The following UNC5C variants were observed in gnomAD, a reference collection of about 807,000 sequenced individuals.
UNC5C encodes the protein netrin receptor UNC5C.
In UNC5C, 47 loss-of-function variants were observed where a neutral mutation model predicts 99.8. That is an observed-to-expected ratio of 0.47 (90% CI 0.37 to 0.60). The LOEUF is 0.60. Among genes scored for constraint, UNC5C ranks in the 20% least tolerant of loss-of-function variants. The pLI is 0.00. For missense variants in UNC5C, 1,062 were observed against 1,165.9 expected, an observed-to-expected ratio of 0.91 and a Z score of 1.30; for synonymous variants, 487 against 452.2, an observed-to-expected ratio of 1.08 and a Z score of -0.98.
chr4:95,283,333 T>C (rs879082010), intron 3 of UNC5C, among the ~76,000 whole-genome samples: 3 of 152,230 alleles, frequency 2.0e-5, no homozygotes, highest in African/African-American at 2.4e-5. Context: ...TTAAGCTCTA[T>C]GTAAATTTTA....
chr4:95,341,359 A>T (rs1743567004), intron 1 of UNC5C, among the ~76,000 whole-genome samples: 1 of 152,108 alleles, frequency 6.6e-6, no homozygotes, highest in African/African-American at 2.4e-5. Context: ...GCCAATAGAA[A>T]TAAGAAAGTG....
At chr4:95,238,466 G>T (rs911822788) in intron 7 of UNC5C, among the ~76,000 whole-genome samples, 3 of 151,974 alleles carry the variant, frequency 2.0e-5, no homozygotes, top group Non-Finnish European at 2.9e-5. Flanking sequence ...AACTTAGTTT[G>T]CACCTTCCCA....
At chr4:95,238,006 C>G (rs1478881550) in intron 7 of UNC5C, among the ~76,000 whole-genome samples, 1 of 151,922 alleles carries the variant, frequency 6.6e-6, no homozygotes, top group East Asian at 1.9e-4. Context: ...CAACTGCACT[C>G]CAGCCTGGCG....
intron 12 of UNC5C, among the ~76,000 whole-genome samples, chr4:95,187,006 G>A (rs1358357700): frequency 6.6e-6 from 1 of 152,066 alleles, no homozygotes; most frequent in African/African-American, 2.4e-5. Flanking sequence ...CCCACTCCAC[G>A]ACAAGAATAG....
intron 4 of UNC5C, among the ~76,000 whole-genome samples, chr4:95,271,372 C>G (rs1001556319): frequency 6.6e-6 from 1 of 151,668 alleles, no homozygotes; most frequent in Admixed American, 6.5e-5. Context: ...GGACTACAGG[C>G]GCCCGCCACC....
At chr4:95,296,291 A>G (rs1360615688) in intron 3 of UNC5C, among the ~76,000 whole-genome samples, 1 of 152,202 alleles carries the variant, frequency 6.6e-6, no homozygotes, top group African/African-American at 2.4e-5. Flanking sequence ...AGTTAGCTAC[A>G]GAATTATAGG....
chr4:95,216,600 T>TAA (rs148891275), intron 9 of UNC5C, among the ~76,000 whole-genome samples: 72 of 142,322 alleles, frequency 5.1e-4, no homozygotes, highest in Non-Finnish European at 8.9e-4. Context: ...AACTTCAACA[T>TAA]AAAAAAAAAA....
At position 95,220,190 on chromosome 4, in the gene UNC5C, T is replaced by A. The variant is rs758527764; in HGVS notation, c.1109-14A>T. Reference sequence around the variant, plus strand: ...AATCAGGAGCAGCTAGAGAGGAGAGTGAAACATTGAACCAGCTGCTTATAG... The same window carrying A: ...AATCAGGAGCAGCTAGAGAGGAGAGAGAAACATTGAACCAGCTGCTTATAG... On this transcript the variant is annotated splice_polypyrimidine_tract_variant and intron_variant, in intron 7 of 15. Transcript: ENST00000453304. 3.1e-6 allele frequency: 5 copies of A among 1,604,356 alleles called. No homozygotes were observed. The highest frequency in any genetic ancestry group is 4.3e-6 in the Non-Finnish European group (5 of 1,174,346).
chr4:95,268,775 A>T (rs1019870026), intron 4 of UNC5C, among the ~76,000 whole-genome samples: 2 of 152,232 alleles, frequency 1.3e-5, no homozygotes, highest in Non-Finnish European at 1.5e-5. Context: ...AGAAAACTCC[A>T]CGTCTATCAG....
At chr4:95,406,143 C>T (rs931985390) in intron 1 of UNC5C, among the ~76,000 whole-genome samples, 2 of 152,114 alleles carry the variant, frequency 1.3e-5, no homozygotes, top group Non-Finnish European at 2.9e-5. Flanking sequence ...AGGAACAAAT[C>T]GACTTTTATG....
rs931553905 is a variant in UNC5C, at chr4:95,169,220, T to G, written c.*14A>C. The G allele has an allele frequency of 1.2e-6, 2 of 1,612,804 alleles. No individual in the cohort carries two copies. Among genetic ancestry groups the G allele is most frequent in the African/African-American group, 2.7e-5 (2 of 74,900 alleles). On this transcript the variant is annotated 3_prime_UTR_variant, in exon 16 of 16. Coordinates refer to ENST00000453304, the MANE Select transcript of UNC5C (RefSeq NM_003728.4). ...GTGCATTTTTGTCCTTCATTTCCCC[T>G]TCCAGCATGGTGGTTAATACTGCCC...
Position 95,250,631 on chromosome 4 carries a change from C to A in UNC5C, c.631G>T (p.Val211Phe), listed in dbSNP as rs763516412. 5.0e-6 allele frequency: 8 copies of A among 1,613,868 alleles called. No homozygotes were observed. The South Asian group carries it at 7.7e-5, about 16-fold the overall frequency. The change falls in exon 5 of 16, where the codon GTT becomes TTT. Residue 211 changes from valine to phenylalanine, a missense_variant. Around this residue, in one of 3 missense-constraint regions of UNC5C, gnomAD observed 249 missense variants for 295.1 expected, o/e 0.84. Coordinates refer to ENST00000453304, the MANE Select transcript of UNC5C (RefSeq NM_003728.4). The part of the protein sequence containing the change: ...WLKNEDIIDP[V>F]EDRNFYITID... ...GTAATATAAAAATTCCGATCTTCAA[C>A]GGGATCAATTATGTCTTCATTTTTC...
At chr4:95,479,468 CACAACAGTGGGTAGAA>C (rs1273928877) in intron 1 of UNC5C, among the ~76,000 whole-genome samples, 1 of 151,832 alleles carries the variant, frequency 6.6e-6, no homozygotes, top group Non-Finnish European at 1.5e-5. Context: ...TAGTATAAAC[CACAACAGTGGGTAGAA>C]ATTGGGTTAT....
At chr4:95,473,845 T>G (rs937192389) in intron 1 of UNC5C, among the ~76,000 whole-genome samples, 1 of 152,096 alleles carries the variant, frequency 6.6e-6, no homozygotes, top group Non-Finnish European at 1.5e-5. Flanking sequence ...CCAGCACAGT[T>G]TCAGAAGGAT....
Position 95,265,002 on chromosome 4 carries a change from T to C in UNC5C, c.594+13257A>G, listed in dbSNP as rs116451618. On this transcript the variant is annotated intron_variant, in intron 4 of 15. Transcript: ENST00000453304. ...TTATATCATGGTCCTTTGTCCTGCA[T>C]CAGAATCACCTGGGGAGCGCTTAAG... 6.1e-3 allele frequency among the ~76,000 whole-genome samples: 929 copies of C among 152,266 alleles called. 11 individuals are homozygous for C. The highest frequency in any genetic ancestry group is 0.022 in the African/African-American group (897 of 41,552).
chr4:95,423,805 T>C (rs1442778196), intron 1 of UNC5C, among the ~76,000 whole-genome samples: 1 of 152,216 alleles, frequency 6.6e-6, no homozygotes, highest in Non-Finnish European at 1.5e-5. Context: ...GCATTTCTAT[T>C]GGTGTGATTA....
Position 95,233,200 on chromosome 4 carries a change from G to T in UNC5C, c.1108+9229C>A, listed in dbSNP as rs552910718. Among the ~76,000 whole-genome samples the T allele has an allele frequency of 2.6e-5, 4 of 152,294 alleles. No individual in the cohort carries two copies. The South Asian group carries it at 6.2e-4, about 24-fold the overall frequency. ...AATTAATAGAAGAGCTGTGTGACGT[G>T]TAATTTTTTTAATGAGTTGAAAGTG... On this transcript the variant is annotated intron_variant, in intron 7 of 15. Transcript: ENST00000453304.
At chr4:95,312,202 A>G (rs1050169580) in intron 2 of UNC5C, among the ~76,000 whole-genome samples, 1 of 152,148 alleles carries the variant, frequency 6.6e-6, no homozygotes, top group Non-Finnish European at 1.5e-5. Context: ...ATTCATTATG[A>G]TAGTTTCTTA....
chr4:95,352,608 T>C (rs1386392471), intron 1 of UNC5C, among the ~76,000 whole-genome samples: 2 of 152,164 alleles, frequency 1.3e-5, no homozygotes, highest in African/African-American at 4.8e-5. Context: ...GATGAACTTA[T>C]CTTCCTTCTA....
Sources: allele counts gnomAD v4.1 joint callset (sites outside exome capture counted in the v4.1 genomes callset), GRCh38; gene constraint gnomAD v4.1.1; regional missense constraint gnomAD v4.1.1; transcripts MANE v1.5; gene names NCBI Gene and HGNC (gene_info 2026-07-23, HGNC 2026-07-21).